Variants in EPB41L1 observed in about 807,000 individuals in gnomAD.
The protein encoded by EPB41L1 is erythrocyte membrane protein band 4.1 like 1.
In EPB41L1, 29 loss-of-function variants were observed where a neutral mutation model predicts 97.8. That is an observed-to-expected ratio of 0.30 (90% CI 0.22 to 0.40). The LOEUF (loss-of-function observed/expected upper bound fraction) is 0.40. Among genes scored for constraint, EPB41L1 ranks in the 10% least tolerant of loss-of-function variants. The probability of loss-of-function intolerance (pLI) is 1.00; values close to 1 mark genes in which losing one functional copy is unlikely to be tolerated. For missense variants in EPB41L1, 812 were observed against 1,162.3 expected (o/e 0.70, Z 4.38); for synonymous variants, 383 against 459.2 (o/e 0.83, Z 2.12).
At chr20:36,130,931 C>T (rs1362817152) in intron 2 of EPB41L1, among the ~76,000 whole-genome samples, 1 of 151,368 alleles carries the variant, frequency 6.6e-6, no homozygotes, top group Non-Finnish European at 1.5e-5. Flanking sequence ...GTCTCAGCCT[C>T]CTGAGTAGCT....
At chr20:36,154,307 C>T (rs902730436), upstream of EPB41L1, among the ~76,000 whole-genome samples, 2 of 152,140 alleles carry the variant, frequency 1.3e-5, no homozygotes, top group Non-Finnish European at 2.9e-5. This position sits in a 1 kb window ranked among gnomAD's most constrained non-coding sequence, Gnocchi z 5.5. Flanking sequence ...TCCCCCTCTT[C>T]TCTCCTCCCC....
chr20:36,148,364 C>T (rs6058416), intron 2 of EPB41L1, among the ~76,000 whole-genome samples: 7 of 152,052 alleles, frequency 4.6e-5, no homozygotes, highest in Non-Finnish European at 7.4e-5. Flanking sequence ...GGTTCAGGAA[C>T]GACTTCCTGG....
intron 2 of EPB41L1, chr20:36,125,569 G>A (rs1312207503): frequency 6.5e-7 from 1 of 1,534,126 alleles, no homozygotes. Flanking sequence ...GATTCAGAAA[G>A]GTAGATTGAA....
intron 17 of EPB41L1, among the ~76,000 whole-genome samples, chr20:36,216,041 G>C (rs1331055195): frequency 6.6e-6 from 1 of 152,188 alleles, no homozygotes; most frequent in African/African-American, 2.4e-5. Context: ...GGGAACGAAA[G>C]CAATCTGTGC....
At chr20:36,157,236 G>C (rs1263244164) in intron 1 of EPB41L1, among the ~76,000 whole-genome samples, 1 of 152,120 alleles carries the variant, frequency 6.6e-6, no homozygotes, top group Admixed American at 6.5e-5. Context: ...GAAAAAAAAA[G>C]GGCGGGGAGG....
chr20:36,192,355 AC>A (rs2061995668), intron 11 of EPB41L1, among the ~76,000 whole-genome samples: 1 of 151,684 alleles, frequency 6.6e-6, no homozygotes, highest in African/African-American at 2.4e-5. Flanking sequence ...ACATGGTGAA[AC>A]CTCGTCTCTA....
At chr20:36,102,115 T>TG (rs2058039980) in intron 1 of EPB41L1, among the ~76,000 whole-genome samples, 1 of 114,204 alleles carries the variant, frequency 8.8e-6, no homozygotes, top group African/African-American at 3.2e-5. Flanking sequence ...ATGGGCGGGG[T>TG]GGGGGGTGGG....
upstream of EPB41L1, among the ~76,000 whole-genome samples, chr20:36,154,556 G>A (rs1302157833): frequency 6.0e-5 from 9 of 150,236 alleles, no homozygotes; most frequent in Non-Finnish European, 1.0e-4. The surrounding 1 kb of genome is among the most constrained non-coding windows in gnomAD (Gnocchi z 5.5). Flanking sequence ...GAGAGGAGGC[G>A]GAGGCAGGGG....
Position 36,195,298 on chromosome 20 carries a change from GCTTT to G in EPB41L1, c.1450-25_1450-22del. The G allele has an allele frequency of 6.2e-7, 1 of 1,613,900 alleles. No homozygotes were observed. The highest frequency in any genetic ancestry group is 8.5e-7 in the Non-Finnish European group (1 of 1,179,936). ...ATCCATCTGCTCTACTGACCCTGCTGCTTTCTTTCCCTCCTACCACATCCCACTA... is the reference window on the plus strand; with the variant it reads ...ATCCATCTGCTCTACTGACCCTGCTGCTTTCCCTCCTACCACATCCCACTA... On this transcript the variant is annotated intron_variant, in intron 12 of 21. Transcript: ENST00000338074. The surrounding 1 kb of genome is among the most constrained non-coding windows in gnomAD (Gnocchi z 4.6).
intron 2 of EPB41L1, among the ~76,000 whole-genome samples, chr20:36,126,515 T>C (rs1383956848): frequency 6.6e-6 from 1 of 152,086 alleles, no homozygotes; most frequent in Non-Finnish European, 1.5e-5. Context: ...TACAGGCATG[T>C]GCCACCACGC....
At position 36,207,753 on chromosome 20, in the gene EPB41L1, C is replaced by T; in HGVS notation, c.1669-1735C>T. ...TGTCCCCCAATTCAGGCTGTGAAAC[C>T]ACGCTGGCAGAAGCTACTGGAACTG... On this transcript the variant is annotated intron_variant, in intron 14 of 21. Transcript: ENST00000338074. This position sits in a 1 kb window ranked among gnomAD's most constrained non-coding sequence, Gnocchi z 4.9. 1 of 1,289,710 alleles carries T rather than the reference C, an allele frequency of 7.8e-7. No homozygotes were observed. Among genetic ancestry groups the T allele is most frequent in the Non-Finnish European group, 1.0e-6 (1 of 988,730 alleles). 79.9% of individuals were successfully genotyped at this position (1,289,710 alleles called of 1,614,324 possible).
At chr20:36,136,504 GTACACT>G (rs2147794334) in intron 2 of EPB41L1, among the ~76,000 whole-genome samples, 1 of 151,806 alleles carries the variant, frequency 6.6e-6, no homozygotes, top group South Asian at 2.1e-4. Context: ...TTAAGTAAGT[GTACACT>G]TCAGTAGTGT....
intron 2 of EPB41L1, chr20:36,113,764 A>T: frequency 6.6e-6 from 1 of 152,608 alleles, no homozygotes; most frequent in East Asian, 1.9e-4. Context: ...TTTCCCTGAC[A>T]TTTGGGCAAA....
rs1218309730 is a variant in EPB41L1, at chr20:36,207,027, G to A, written c.1669-2461G>A. 3 of 1,289,900 alleles carry A rather than the reference G, an allele frequency of 2.3e-6. No individual in the cohort carries two copies. The highest frequency in any genetic ancestry group is 2.1e-4 in the Middle Eastern group (1 of 4,696). The allele number at this position is 1,289,900 out of a possible 1,614,324, so 79.9% of individuals were successfully genotyped here. ...GAGTGGTTCCCACCCAGAAAGGAGG[G>A]GCTGAGCTGAAGGACCGCGAGGCTT... is the stretch of plus-strand genomic sequence containing the variant. On this transcript the variant is annotated intron_variant, in intron 14 of 21. Transcript: ENST00000338074. The surrounding 1 kb of genome is among the most constrained non-coding windows in gnomAD (Gnocchi z 4.9).
rs906849784 is a variant in EPB41L1, at chr20:36,206,908, G to C, written c.1669-2580G>C. The C allele has an allele frequency of 1.6e-6, 2 of 1,289,812 alleles. No homozygotes were observed. Among genetic ancestry groups the C allele is most frequent in the Non-Finnish European group, 2.0e-6 (2 of 988,904 alleles). The allele number at this position is 1,289,812 out of a possible 1,614,324, so 79.9% of individuals were successfully genotyped here. On this transcript the variant is annotated intron_variant, in intron 14 of 21. Coordinates refer to ENST00000338074, the MANE Select transcript of EPB41L1 (RefSeq NM_012156.2). This position sits in a 1 kb window ranked among gnomAD's most constrained non-coding sequence, Gnocchi z 5.5. ...TCACAGAGGACAGGGCGTGCATCCC[G>C]ACCCCCAGGCCTGCGCCCTTCCTCG...
intron 1 of EPB41L1, among the ~76,000 whole-genome samples, chr20:36,169,089 G>A (rs999701651): frequency 5.3e-5 from 8 of 151,798 alleles, no homozygotes; most frequent in Non-Finnish European, 7.4e-5. Context: ...AGCTGGCTGC[G>A]GTGGCGGTCA....
In EPB41L1 at chr20:36,212,163, C is replaced by G; in HGVS notation, c.2080-109C>G. 9.7e-7 allele frequency: 1 copy of G among 1,028,228 alleles called. No homozygotes were observed. The highest frequency in any genetic ancestry group is 1.5e-6 in the Non-Finnish European group (1 of 659,746). The allele number at this position is 1,028,228 out of a possible 1,614,324, so 63.7% of individuals were successfully genotyped here. A position where few individuals can be genotyped will look rare whatever the true frequency, so the allele number is the denominator to read the frequency against. On this transcript the variant is annotated intron_variant, in intron 15 of 21. Coordinates refer to ENST00000338074, the MANE Select transcript of EPB41L1 (RefSeq NM_012156.2). This position sits in a 1 kb window ranked among gnomAD's most constrained non-coding sequence, Gnocchi z 4.8. The stretch of plus-strand genomic sequence containing the variant: ...CCAGAGTACCCTTCCAGAGATGTGG[C>G]CAGCTGTGGGGATAGGAGATAGCCT...
rs771821656 is a variant in EPB41L1, at chr20:36,232,736, C to G, written c.*3396C>G. 2.5e-6 allele frequency: 1 copy of G among 397,702 alleles called. No homozygotes were observed. The highest frequency in any genetic ancestry group is 1.3e-4 in the South Asian group (1 of 7,816). The allele number at this position is 397,702 out of a possible 1,614,324, so 24.6% of individuals were successfully genotyped here. A position where few individuals can be genotyped will look rare whatever the true frequency, so the allele number is the denominator to read the frequency against. On this transcript the variant is annotated 3_prime_UTR_variant, in exon 22 of 22. Transcript: ENST00000338074. ...CCACCTCAGTGCTCCGTGCTGTATG[C>G]GTGTGCTCTCTGTTCTTGTATACTC...
intron 1 of EPB41L1, among the ~76,000 whole-genome samples, chr20:36,159,625 G>A (rs552139287): frequency 6.6e-5 from 10 of 152,154 alleles, no homozygotes; most frequent in Non-Finnish European, 1.0e-4. Context: ...ATACTTGTCC[G>A]ATGAAAGAAT....
Sources: gnomAD v4.1 joint callset for allele counts (sites outside exome capture counted in the v4.1 genomes callset) on GRCh38, gnomAD v4.1.1 for gene constraint, Gnocchi (gnomAD v3.1) non-coding constraint, MANE v1.5 for transcripts, NCBI Gene and HGNC (gene_info 2026-07-23, HGNC 2026-07-21) for gene names.